Variants in RBFOX1 observed in about 807,000 individuals in gnomAD.
RBFOX1 encodes RNA binding fox-1 homolog 1.
In RBFOX1, 8 loss-of-function variants were observed where a neutral mutation model predicts 57.7. That is an observed-to-expected ratio of 0.14 (90% CI 0.08 to 0.25). The LOEUF (loss-of-function observed/expected upper bound fraction) is 0.25. Among genes scored for constraint, RBFOX1 ranks in the 10% least tolerant of loss-of-function variants. The probability of loss-of-function intolerance (pLI) is 1.00; values close to 1 mark genes in which losing one functional copy is unlikely to be tolerated. For synonymous variants in RBFOX1, 326 were observed against 222.4 expected (o/e 1.47, Z -4.15); for missense variants, 611 against 548.5 (o/e 1.11, Z -1.14).
At chr16:5,451,034 C>T (rs749231746) in intron 1 of RBFOX1, among the ~76,000 whole-genome samples, 9 of 152,192 alleles carry the variant, frequency 5.9e-5, no homozygotes, top group Non-Finnish European at 1.2e-4. Flanking sequence ...CCTGGTTGGC[C>T]AGTGCCTGGT....
chr16:7,586,917 A>G (rs1297869273), intron 6 of RBFOX1, among the ~76,000 whole-genome samples: 1 of 152,254 alleles, frequency 6.6e-6, no homozygotes, highest in Non-Finnish European at 1.5e-5. Flanking sequence ...GGGATAGACC[A>G]GAAGGATCAT....
Position 6,717,583 on chromosome 16 carries a change from CT to C in RBFOX1, c.-16+62947del, listed in dbSNP as rs57111084. On this transcript the variant is annotated intron_variant, in intron 3 of 15. Coordinates refer to ENST00000550418, the MANE Select transcript of RBFOX1 (RefSeq NM_018723.4). ...GCCTGTGAGCCTGAGATGCTGAAGT[CT>C]TTTTTTTTTTTTTACCCAGAAATAC... Among the ~76,000 whole-genome samples, 1,343 of 142,420 alleles carry C rather than the reference CT, an allele frequency of 9.4e-3. 16 individuals carry two copies. The highest frequency in any genetic ancestry group is 0.061 in the East Asian group (301 of 4,906). 93.4% of individuals were successfully genotyped at this position (142,420 alleles called of 152,430 possible).
At chr16:5,893,758 A>G (rs2058097193) in intron 4 of RBFOX1, among the ~76,000 whole-genome samples, 1 of 151,788 alleles carries the variant, frequency 6.6e-6, no homozygotes, top group Non-Finnish European at 1.5e-5. Flanking sequence ...GTGAGCCAAG[A>G]TTGCGCCACT....
chr16:6,776,601 C>G (rs560462172), intron 3 of RBFOX1, among the ~76,000 whole-genome samples: 19 of 152,220 alleles, frequency 1.2e-4, no homozygotes, highest in African/African-American at 4.3e-4. Context: ...TTTGGAGCCT[C>G]TCTATGTGGG....
In RBFOX1 at chr16:6,188,806, T is replaced by C. The variant is rs187705536; in HGVS notation, c.-126-128189T>C. Among the ~76,000 whole-genome samples, 68 of 152,310 alleles carry C rather than the reference T, an allele frequency of 4.5e-4. No individual in the cohort carries two copies. In the East Asian group the frequency reaches 6.2e-3, roughly 14 times the overall value. On this transcript the variant is annotated intron_variant, in intron 1 of 15. Coordinates refer to ENST00000550418, the MANE Select transcript of RBFOX1 (RefSeq NM_018723.4). The stretch of plus-strand genomic sequence containing the variant: ...ATGTCCCAAACCTTCCTACCGCTGA[T>C]ACTTTGAAGCACATACAGTTCATTT...
intron 3 of RBFOX1, among the ~76,000 whole-genome samples, chr16:6,686,423 G>A (rs1410883058): frequency 1.3e-5 from 2 of 152,192 alleles, no homozygotes; most frequent in East Asian, 1.9e-4. Context: ...GAACTGCTAT[G>A]CGCAGGCCTC....
At chr16:5,568,576 A>G (rs540546952) in intron 2 of RBFOX1, among the ~76,000 whole-genome samples, 1 of 152,250 alleles carries the variant, frequency 6.6e-6, no homozygotes, top group Admixed American at 6.5e-5. Flanking sequence ...GGATGTGAGG[A>G]TGCGTGACAC....
chr16:6,513,728 T>C (rs1227085145), intron 2 of RBFOX1, among the ~76,000 whole-genome samples: 3 of 151,820 alleles, frequency 2.0e-5, no homozygotes, highest in African/African-American at 7.3e-5. Context: ...GAGTGAGACT[T>C]CGTCTCAAAA....
intron 4 of RBFOX1, among the ~76,000 whole-genome samples, chr16:7,192,763 A>G (rs1189973785): frequency 1.3e-5 from 2 of 152,206 alleles, no homozygotes; most frequent in East Asian, 3.9e-4. Context: ...TATTTTTGCA[A>G]TCTTTCTGTG....
At chr16:5,538,981 G>A (rs1369596027) in intron 2 of RBFOX1, among the ~76,000 whole-genome samples, 1 of 152,126 alleles carries the variant, frequency 6.6e-6, no homozygotes, top group Admixed American at 6.5e-5. Flanking sequence ...ACCCATAGCA[G>A]CACGGCTCCC....
intron 3 of RBFOX1, among the ~76,000 whole-genome samples, chr16:6,756,635 C>A (rs1364925603): frequency 6.6e-6 from 1 of 151,844 alleles, no homozygotes; most frequent in Non-Finnish European, 1.5e-5. Flanking sequence ...AATAATAATC[C>A]CATTTAAAAA....
intron 3 of RBFOX1, among the ~76,000 whole-genome samples, chr16:6,845,416 G>C (rs1371518999): frequency 6.6e-6 from 1 of 152,150 alleles, no homozygotes; most frequent in South Asian, 2.1e-4. Context: ...AGTTGTCCCA[G>C]CACCATTTAT....
At chr16:7,579,273 A>G (rs1228066282) in intron 5 of RBFOX1, among the ~76,000 whole-genome samples, 1 of 152,192 alleles carries the variant, frequency 6.6e-6, no homozygotes, top group African/African-American at 2.4e-5. Context: ...TTTACATTTA[A>G]TTATGTTTTA....
chr16:5,329,862 T>G (rs553912427), intron 1 of RBFOX1, among the ~76,000 whole-genome samples: 108 of 151,928 alleles, frequency 7.1e-4, no homozygotes, highest in African/African-American at 2.6e-3. Context: ...ATTAGCCAGG[T>G]GTGATGGCAG....
chr16:7,201,970 A>G (rs538576557), intron 4 of RBFOX1, among the ~76,000 whole-genome samples: 4 of 152,310 alleles, frequency 2.6e-5, no homozygotes, highest in Non-Finnish European at 4.4e-5. Context: ...TGGGAAGCCA[A>G]TTAACACCTA....
chr16:5,614,262 G>A lies in RBFOX1; in HGVS notation c.318+15301G>A, dbSNP rs140259030. On this transcript the variant is annotated intron_variant, in intron 3 of 19. Coordinates refer to the RBFOX1 transcript ENST00000641259. Reference sequence around the variant, plus strand: ...TTTTAAACTAGAAGAAAACAAATTTGCACATGGACTAAACAGAAACTTCAT... The same window carrying A: ...TTTTAAACTAGAAGAAAACAAATTTACACATGGACTAAACAGAAACTTCAT... Among the ~76,000 whole-genome samples the A allele has an allele frequency of 5.9e-5, 9 of 152,174 alleles. No individual in the cohort carries two copies. In the East Asian group the frequency reaches 1.7e-3, roughly 29 times the overall value.
intron 4 of RBFOX1, among the ~76,000 whole-genome samples, chr16:7,462,123 T>C (rs908205234): frequency 6.6e-6 from 1 of 152,214 alleles, no homozygotes; most frequent in African/African-American, 2.4e-5. Context: ...GGGAAGCTAC[T>C]ACCTCTGTGA....
chr16:6,673,539 G>A (rs896019684), intron 3 of RBFOX1, among the ~76,000 whole-genome samples: 2 of 152,188 alleles, frequency 1.3e-5, no homozygotes, highest in Non-Finnish European at 2.9e-5. Flanking sequence ...AGTGAGTGGA[G>A]GTTGTAGTGA....
At chr16:6,252,608 GTGTTTTGTTTTGTTT>G (rs56211071) in intron 1 of RBFOX1, among the ~76,000 whole-genome samples, 5 of 150,218 alleles carry the variant, frequency 3.3e-5, no homozygotes, top group Non-Finnish European at 3.0e-5. Context: ...CCATGCCAAG[GTGTTTTGTTTTGTTT>G]TGTTTTGTTT....
Sources: allele counts gnomAD v4.1 joint callset (sites outside exome capture counted in the v4.1 genomes callset), GRCh38; gene constraint gnomAD v4.1.1; transcripts MANE v1.5; gene names NCBI Gene and HGNC (gene_info 2026-07-23, HGNC 2026-07-21).